PTPN13: variants seen among roughly 807,000 people sequenced by gnomAD.
PTPN13 encodes the protein tyrosine-protein phosphatase non-receptor type 13.
A neutral mutation model predicts 284.0 loss-of-function variants in PTPN13; 191 were observed. The observed-to-expected ratio is 0.67, with a 90% CI of 0.60 to 0.76. The LOEUF (loss-of-function observed/expected upper bound fraction) is 0.76, where lower values mean the gene tolerates loss of function less well. Among genes scored for constraint, PTPN13 ranks in the 30% least tolerant of loss-of-function variants. PTPN13 has a pLI of 0.00. For missense variants in PTPN13, 2,797 were observed against 2,939.9 expected (o/e 0.95, Z 1.12); for synonymous variants, 986 against 1,022.3 (o/e 0.96, Z 0.68).
intron 23 of PTPN13, 42 bp from the exon 24 acceptor site, chr4:86,762,685 A>C (rs1738833879): frequency 7.0e-7 from 1 of 1,424,220 alleles, no homozygotes. Context: ...AAGCACGTGT[A>C]TCACTAACTT....
intron 27 of PTPN13, among the ~76,000 whole-genome samples, chr4:86,767,586 TTC>T (rs1466931556): frequency 3.9e-5 from 6 of 152,118 alleles, no homozygotes; most frequent in Non-Finnish European, 8.8e-5. Flanking sequence ...TTATAATAGA[TTC>T]TTTTTAATCA....
intron 9 of PTPN13, among the ~76,000 whole-genome samples, chr4:86,718,455 C>CTTTTTTTTTTT (rs796389778): frequency 2.1e-5 from 3 of 140,160 alleles, no homozygotes; most frequent in Admixed American, 7.2e-5. Context: ...TAATGGTCCA[C>CTTTTTTTTTTT]TTTTTTTTTT....
intron 19 of PTPN13, among the ~76,000 whole-genome samples, chr4:86,752,526 G>C (rs1737512405): frequency 6.6e-6 from 1 of 152,154 alleles, no homozygotes; most frequent in Non-Finnish European, 1.5e-5. Flanking sequence ...ACTTTTCAAA[G>C]TGTTCACATA....
chr4:86,686,859 C>T (rs897287303), intron 4 of PTPN13, 84 bp downstream of exon 4: 20 of 936,394 alleles, frequency 2.1e-5, no homozygotes, highest in Admixed American at 7.8e-5. Context: ...CACGTTTATA[C>T]GTGTTCTACA....
chr4:86,686,841 C>T, intron 4 of PTPN13, 66 bp downstream of exon 4: 1 of 1,098,176 alleles, frequency 9.1e-7, no homozygotes, highest in South Asian at 1.4e-5. Context: ...TATATCATAG[C>T]TCTTCCACAC....
At position 86,730,772 on chromosome 4, in the gene PTPN13, T is replaced by C. The variant is rs534094978; in HGVS notation, c.1609-1628T>C. 2.3e-5 allele frequency among the ~76,000 whole-genome samples: 3 copies of C among 129,018 alleles called. No homozygotes were observed. In the South Asian group the frequency reaches 6.9e-4, roughly 29 times the overall value. The allele number at this position is 129,018 out of a possible 152,430, so 84.6% of individuals were successfully genotyped here. ...CCCTTGGGCTTCCTGGGTGAGGTGA[T>C]GCCCCGTCCGGCTTCAGCTCATCCT... On this transcript the variant is annotated intron_variant, in intron 10 of 47. Transcript: ENST00000411767.
At chr4:86,768,899 G>A (rs1364958750) in intron 28 of PTPN13, among the ~76,000 whole-genome samples, 4 of 151,534 alleles carry the variant, frequency 2.6e-5, no homozygotes, top group Admixed American at 6.6e-5. Context: ...TAGTACAGAC[G>A]GGGTTTCACC....
intron 7 of PTPN13, among the ~76,000 whole-genome samples, chr4:86,707,948 T>C (rs1461890991): frequency 4.6e-5 from 7 of 152,206 alleles, no homozygotes; most frequent in Non-Finnish European, 7.3e-5. Context: ...CTCTGAATTA[T>C]AATGTAGATA....
chr4:86,804,162 A>T (rs900316298), intron 43 of PTPN13, among the ~76,000 whole-genome samples: 9 of 151,782 alleles, frequency 5.9e-5, no homozygotes, highest in African/African-American at 2.2e-4. Context: ...TCAACCATGC[A>T]CTAAACTTTA....
At chr4:86,699,623 G>A (rs955058279) in intron 6 of PTPN13, among the ~76,000 whole-genome samples, 2 of 152,186 alleles carry the variant, frequency 1.3e-5, no homozygotes, top group African/African-American at 4.8e-5. Flanking sequence ...TGAATTTATG[G>A]TGTTGCCAAA....
intron 37 of PTPN13, among the ~76,000 whole-genome samples, chr4:86,783,683 C>T (rs899947638): frequency 2.0e-5 from 3 of 151,908 alleles, no homozygotes; most frequent in African/African-American, 7.2e-5. Flanking sequence ...TTGCATCTAC[C>T]ATGTGTACTT....
chr4:86,636,218 C>T (rs988917211), intron 2 of PTPN13, among the ~76,000 whole-genome samples: 1 of 152,138 alleles, frequency 6.6e-6, no homozygotes, highest in African/African-American at 2.4e-5. Flanking sequence ...ATCCGTGTTA[C>T]TCTAAATCAG....
intron 16 of PTPN13, 101 bp downstream of exon 16, chr4:86,741,917 G>C (rs1453198679): frequency 2.3e-5 from 22 of 941,178 alleles, no homozygotes; most frequent in Non-Finnish European, 3.4e-5. Flanking sequence ...CATTCAGTGG[G>C]GATAATACAT....
At chr4:86,654,959 C>G (rs1345817177) in intron 2 of PTPN13, among the ~76,000 whole-genome samples, 1 of 152,204 alleles carries the variant, frequency 6.6e-6, no homozygotes, top group Non-Finnish European at 1.5e-5. Context: ...GGACAGTTAA[C>G]TCTTCTTGTT....
chr4:86,780,592 TC>T (rs1380429391), intron 36 of PTPN13, 120 bp downstream of exon 36: 1 of 704,668 alleles, frequency 1.4e-6, no homozygotes, highest in African/African-American at 1.8e-5. Flanking sequence ...TAAAATATAA[TC>T]CAGCTTTTTC....
intron 12 of PTPN13, among the ~76,000 whole-genome samples, chr4:86,733,607 A>G (rs552758684): frequency 1.3e-5 from 2 of 152,254 alleles, no homozygotes; most frequent in South Asian, 4.1e-4. Context: ...TAAATAGTCA[A>G]TTAGTACCTA....
intron 7 of PTPN13, among the ~76,000 whole-genome samples, chr4:86,716,325 G>A (rs915543324): frequency 6.6e-6 from 1 of 152,162 alleles, no homozygotes; most frequent in Non-Finnish European, 1.5e-5. Flanking sequence ...GATTCAAACT[G>A]AGGCAGTCTG....
chr4:86,728,887 A>G (rs1734629906), intron 10 of PTPN13, among the ~76,000 whole-genome samples: 1 of 147,200 alleles, frequency 6.8e-6, no homozygotes, highest in South Asian at 2.2e-4. Flanking sequence ...TGTCATTATG[A>G]TGTTATCTGG....
chr4:86,771,408 C>A lies in PTPN13; in HGVS notation c.5041C>A (p.Gln1681Lys). ...TTCGACCTGGAGTTCAGCTTTGCAT[C>A]AGACTCTAAGCAACATGGTATCACA... ...SNSTWSSALH[Q>K]TLSNMVSQAQ... The change falls in exon 31 of 48, where the codon CAG becomes AAG. Residue 1681 changes from glutamine (Q) to lysine (K), a missense_variant. Gln to Lys is a moderately conservative substitution (Grantham distance 53). Transcript: ENST00000411767. 6.4e-7 allele frequency: 1 copy of A among 1,566,816 alleles called. No individual in the cohort carries two copies.
Sources: gnomAD v4.1 joint callset for allele counts (sites outside exome capture counted in the v4.1 genomes callset) on GRCh38, gnomAD v4.1.1 for gene constraint, MANE v1.5 for transcripts, NCBI Gene and HGNC (gene_info 2026-07-23, HGNC 2026-07-21) for gene names.